The following EYS variants were observed in gnomAD, a reference collection of about 807,000 sequenced individuals.
The protein encoded by EYS is EGF-like photoreceptor maintenance factor.
EYS carries 250 observed loss-of-function variants against 282.1 expected under a neutral mutation model. The ratio of observed to expected loss-of-function variants is 0.89; its 90% CI spans 0.80 to 0.98. The LOEUF is 0.98. Among genes scored for constraint, EYS ranks in the 50% least tolerant of loss-of-function variants. The pLI is 0.00. For missense variants in EYS, 4,016 were observed against 3,709.0 expected, an observed-to-expected ratio of 1.08 and a Z score of -2.15; for synonymous variants, 1,355 against 1,282.9, an observed-to-expected ratio of 1.06 and a Z score of -1.20.
intron 14 of EYS, among the ~76,000 whole-genome samples, chr6:64,960,861 T>C (rs929096096): frequency 6.6e-6 from 1 of 152,160 alleles, no homozygotes. Flanking sequence ...TATGTGTCCA[T>C]GTGGTCTCAT....
intron 35 of EYS, among the ~76,000 whole-genome samples, chr6:63,943,988 T>C (rs1348934110): frequency 6.6e-6 from 1 of 151,200 alleles, no homozygotes; most frequent in East Asian, 1.9e-4. Context: ...CTAGTTGGAA[T>C]GCCAACAGCC....
At chr6:64,051,497 A>C (rs1486568889) in intron 33 of EYS, among the ~76,000 whole-genome samples, 3 of 152,148 alleles carry the variant, frequency 2.0e-5, no homozygotes, top group Non-Finnish European at 4.4e-5. Flanking sequence ...CTGGAATAGC[A>C]ATTTCCCATT....
intron 13 of EYS, among the ~76,000 whole-genome samples, chr6:65,010,159 C>T (rs1343258243): frequency 6.6e-6 from 1 of 152,202 alleles, no homozygotes; most frequent in African/African-American, 2.4e-5. Flanking sequence ...GGAGTCCTTA[C>T]ACAGGTCCGA....
intron 12 of EYS, among the ~76,000 whole-genome samples, chr6:65,199,556 T>C (rs1765850183): frequency 6.6e-6 from 1 of 152,078 alleles, no homozygotes; most frequent in Admixed American, 6.6e-5. Flanking sequence ...GACAGTGCCA[T>C]GAAACCACTA....
chr6:64,862,342 T>C (rs1344460244), intron 19 of EYS, among the ~76,000 whole-genome samples: 1 of 152,234 alleles, frequency 6.6e-6, no homozygotes, highest in African/African-American at 2.4e-5. Context: ...ACCTCAATTA[T>C]CTGGTGGACT....
chr6:64,826,680 A>ATG (rs529496531), intron 19 of EYS, among the ~76,000 whole-genome samples: 1 of 106,770 alleles, frequency 9.4e-6, no homozygotes, highest in Non-Finnish European at 1.9e-5. Flanking sequence ...ACATGATTTT[A>ATG]TGTATATATA....
intron 11 of EYS, chr6:65,330,384 C>A: frequency 1.0e-6 from 1 of 984,508 alleles, no homozygotes. Flanking sequence ...GTCATGAACA[C>A]TTCACAGTCT....
At chr6:65,149,442 C>A (rs1000482753) in intron 12 of EYS, among the ~76,000 whole-genome samples, 5 of 152,166 alleles carry the variant, frequency 3.3e-5, no homozygotes, top group Admixed American at 6.5e-5. Flanking sequence ...TTGTCCAAAT[C>A]ACTATTAGCA....
intron 12 of EYS, among the ~76,000 whole-genome samples, chr6:65,217,698 A>T (rs1766351188): frequency 2.0e-5 from 3 of 152,074 alleles, no homozygotes; most frequent in African/African-American, 7.2e-5. Flanking sequence ...AGTCTGAAAG[A>T]ATAAGAAATG....
chr6:64,015,039 AC>A (rs1163708972), intron 33 of EYS, among the ~76,000 whole-genome samples: 1 of 152,194 alleles, frequency 6.6e-6, no homozygotes, highest in Non-Finnish European at 1.5e-5. Flanking sequence ...AAGAAGAGTT[AC>A]TAGCCCTTCT....
In EYS at chr6:64,958,734, C is replaced by CAAAAAAAAAA. The variant is rs1167094477; in HGVS notation, c.2260-12830_2260-12821dup. Reference sequence around the variant, plus strand: ...TGGGCGACAAAACGAGACTCCGTCTCAAAAAAAAAAAAAAAAAAAAAAAAA... The same window carrying CAAAAAAAAAA: ...TGGGCGACAAAACGAGACTCCGTCTCAAAAAAAAAAAAAAAAAAAAAAAAAAAAAAAAAAA... On this transcript the variant is annotated intron_variant, in intron 14 of 42. Transcript: ENST00000503581. Among the ~76,000 whole-genome samples, 58 of 51,676 alleles carry CAAAAAAAAAA rather than the reference C, an allele frequency of 1.1e-3. 1 individual carries two copies. The highest frequency in any genetic ancestry group is 1.6e-3 in the Non-Finnish European group (47 of 30,038). 33.9% of individuals were successfully genotyped at this position (51,676 alleles called of 152,430 possible). A position where few individuals can be genotyped will look rare whatever the true frequency, so the allele number is the denominator to read the frequency against.
intron 41 of EYS, among the ~76,000 whole-genome samples, chr6:63,752,149 A>G (rs945449461): frequency 6.6e-6 from 1 of 152,166 alleles, no homozygotes; most frequent in African/African-American, 2.4e-5. Context: ...GCATATAGTG[A>G]TCCTTTCAAT....
At chr6:64,828,237 A>T (rs745546086) in intron 19 of EYS, among the ~76,000 whole-genome samples, 1 of 151,966 alleles carries the variant, frequency 6.6e-6, no homozygotes, top group Non-Finnish European at 1.5e-5. Flanking sequence ...GTAAGAAAAC[A>T]GAAAAGAGCT....
chr6:63,831,766 C>A (rs978525888), intron 36 of EYS, among the ~76,000 whole-genome samples: 3 of 152,130 alleles, frequency 2.0e-5, no homozygotes, highest in East Asian at 1.9e-4. Context: ...AATATACATT[C>A]TTCTCAGCAC....
In EYS at chr6:65,163,958, A is replaced by G. The variant is rs924439417; in HGVS notation, c.2024-106231T>C. Among the ~76,000 whole-genome samples the G allele has an allele frequency of 2.0e-5, 3 of 151,278 alleles. No homozygotes were observed. The Admixed American group carries it at 2.0e-4, about 10-fold the overall frequency. Reference sequence around the variant, plus strand: ...CTCTGCACAAGTTTGCCTGGTTCTTATCAGATGCATCCCTGAGACTAAAAC... The same window carrying G: ...CTCTGCACAAGTTTGCCTGGTTCTTGTCAGATGCATCCCTGAGACTAAAAC... On this transcript the variant is annotated intron_variant, in intron 12 of 42. Coordinates refer to ENST00000503581, the MANE Select transcript of EYS (RefSeq NM_001142800.2).
chr6:64,048,442 G>A (rs377205945), intron 33 of EYS, among the ~76,000 whole-genome samples: 5 of 152,030 alleles, frequency 3.3e-5, no homozygotes, highest in East Asian at 1.9e-4. Flanking sequence ...GAAAATGACC[G>A]TGCCTTGTCA....
chr6:65,270,261 A>T (rs906985053), intron 12 of EYS, among the ~76,000 whole-genome samples: 5 of 152,140 alleles, frequency 3.3e-5, no homozygotes, highest in Admixed American at 2.6e-4. Flanking sequence ...TAGCAAGGAA[A>T]CTCCAGGTGA....
intron 36 of EYS, among the ~76,000 whole-genome samples, chr6:63,847,194 C>T (rs1210575920): frequency 1.3e-5 from 2 of 152,176 alleles, no homozygotes; most frequent in Admixed American, 6.5e-5. Flanking sequence ...TATAAGACCA[C>T]TTATCCTTAC....
At chr6:63,737,868 T>C (rs1220821526) in intron 41 of EYS, among the ~76,000 whole-genome samples, 1 of 151,646 alleles carries the variant, frequency 6.6e-6, no homozygotes, top group Non-Finnish European at 1.5e-5. Flanking sequence ...GAATCTACAA[T>C]GAACTCAAAC....
Sources: gnomAD v4.1 joint callset for allele counts (sites outside exome capture counted in the v4.1 genomes callset) on GRCh38, gnomAD v4.1.1 for gene constraint, MANE v1.5 for transcripts, NCBI Gene and HGNC (gene_info 2026-07-23, HGNC 2026-07-21) for gene names.